Variants in ARMCX4 observed in about 807,000 individuals in gnomAD.
ARMCX4 encodes the protein armadillo repeat containing X-linked 4.
Under a neutral mutation model 34.7 loss-of-function variants are expected in ARMCX4, and 3 were observed. The ratio of observed to expected loss-of-function variants is 0.09; its 90% CI spans 0.04 to 0.22. The LOEUF (loss-of-function observed/expected upper bound fraction) is 0.22. Among genes scored for constraint, ARMCX4 ranks in the 10% least tolerant of loss-of-function variants. The probability of loss-of-function intolerance (pLI) is 1.00; values close to 1 mark genes in which losing one functional copy is unlikely to be tolerated. For synonymous variants in ARMCX4, 513 were observed against 632.8 expected (o/e 0.81, Z 2.84); for missense variants, 1,448 against 1,720.8 (o/e 0.84, Z 2.81).
At chrX:101,484,100 T>G (rs1487027390), upstream of ARMCX4, among the ~76,000 whole-genome samples, 3 of 111,786 alleles carry the variant, frequency 2.7e-5, no homozygotes, top group African/African-American at 9.8e-5. Flanking sequence ...TTCTTTTTCT[T>G]GGCAATTGCT....
chrX:101,437,871 A>G (rs1555995426), intron 2 of ARMCX4, among the ~76,000 whole-genome samples: 2 of 112,036 alleles, frequency 1.8e-5, no homozygotes, highest in African/African-American at 6.5e-5. Context: ...GTTTCAAAGA[A>G]CATCTTTATT....
At position 101,493,649 on chromosome X, in the gene ARMCX4, C is replaced by G. The variant is rs1386372307; in HGVS notation, c.5060C>G (p.Ser1687Cys). The G allele has an allele frequency of 4.3e-6, 5 of 1,150,518 alleles. No individual in the cohort carries two copies. The African/African-American group carries it at 7.3e-5, about 17-fold the overall frequency. 94.8% of individuals were successfully genotyped at this position (1,150,518 alleles called of 1,213,427 possible). A position where few individuals can be genotyped will look rare whatever the true frequency, so the allele number is the denominator to read the frequency against. ...SQASGESWAG[S>C]RPGNEAIGGS... Reference sequence around the variant, plus strand: ...GCCAGTGGAGAATCCTGGGCTGGATCTAGGCCTGGGAATGAGGCCATTGGA... The same window carrying G: ...GCCAGTGGAGAATCCTGGGCTGGATGTAGGCCTGGGAATGAGGCCATTGGA... The change falls in exon 6 of 6, where the codon TCT becomes TGT. Residue 1687 changes from serine to cysteine, a missense_variant. By Grantham distance (112) the Ser-to-Cys change is moderately radical. Around this residue, in one of 2 missense-constraint regions of ARMCX4, gnomAD observed 1,343 missense variants for 1,540.7 expected, o/e 0.87. Transcript: ENST00000423738.
At chrX:101,443,917 CTCA>C (rs1234986103) in intron 2 of ARMCX4, 3 of 379,876 alleles carry the variant, frequency 7.9e-6, no homozygotes, top group Non-Finnish European at 1.5e-5. Flanking sequence ...GGATGAAGTT[CTCA>C]TCATCAAATT....
intron 4 of ARMCX4, among the ~76,000 whole-genome samples, chrX:101,471,924 T>C (rs1336056798): frequency 2.8e-5 from 3 of 105,327 alleles, no homozygotes; most frequent in Non-Finnish European, 3.9e-5. Context: ...AGGAACGCAG[T>C]TCCTCACCAG....
Position 101,488,963 on chromosome X carries a change from T to C in ARMCX4, c.374T>C (p.Val125Ala), listed in dbSNP as rs1556007700. 2.6e-6 allele frequency: 3 copies of C among 1,155,627 alleles called. No individual in the cohort carries two copies. The East Asian group carries it at 9.8e-5, about 38-fold the overall frequency. The change falls in exon 6 of 6, where the codon GTC becomes GCC. Residue 125 changes from valine to alanine, a missense_variant. This residue lies in a region of ARMCX4 where 1,343 missense variants were observed against 1,540.7 expected (regional missense o/e 0.87). Transcript: ENST00000423738. Reference sequence around the variant, plus strand: ...TCCAAAGTGGTGGCTGGAACACTGGTCATGACAGAGGCAGTGACTCTGACT... The same window carrying C: ...TCCAAAGTGGTGGCTGGAACACTGGCCATGACAGAGGCAGTGACTCTGACT... ...SESKVVAGTL[V>A]MTEAVTLTEV...
chrX:101,494,274 T>C lies in ARMCX4; in HGVS notation c.5685T>C (p.Ile1895=). The change falls in exon 6 of 6, where the codon ATT becomes ATC. Residue 1895 remains isoleucine, a synonymous_variant. Coordinates refer to ENST00000423738, the MANE Select transcript of ARMCX4 (RefSeq NM_001256155.3). ...TAAGTAGAGAGTCCAGCCCTGATAT[T>C]GAGGAGATCAGTTTAAGGTCTTTGT... ...DELSRESSPD[I]EEISLRSLFW... The C allele has an allele frequency of 1.7e-6, 2 of 1,154,772 alleles. No homozygotes were observed. The highest frequency in any genetic ancestry group is 2.3e-6 in the Non-Finnish European group (2 of 872,373).
intron 11 of ARMCX4, among the ~76,000 whole-genome samples, chrX:101,529,038 C>A (rs1197328272): frequency 1.8e-5 from 2 of 111,249 alleles, no homozygotes; most frequent in African/African-American, 6.5e-5. Context: ...CAATCCTAAT[C>A]AAAAAGAACA....
Position 101,490,290 on chromosome X carries a change from T to G in ARMCX4, c.1701T>G (p.Asp567Glu), listed in dbSNP as rs1556008344. Residue 567 changes from aspartate to glutamate, a missense_variant, in exon 6 of 6, where the codon GAT becomes GAG. Physicochemically the swap from Asp to Glu is conservative, Grantham distance 45. This residue lies in a region of ARMCX4 where 1,343 missense variants were observed against 1,540.7 expected (regional missense o/e 0.87). Coordinates refer to ENST00000423738, the MANE Select transcript of ARMCX4 (RefSeq NM_001256155.3). ...AGGCCTTGCTTGATTCCAGGGTTGATGGTAGGGGCAATCCTAATGCCACTT... is the reference window on the plus strand; with the variant it reads ...AGGCCTTGCTTGATTCCAGGGTTGAGGGTAGGGGCAATCCTAATGCCACTT... Reference protein sequence around the residue: ...PAEALLDSRVDGRGNPNATSK... With the variant: ...PAEALLDSRVEGRGNPNATSK... 1 of 1,150,831 alleles carries G rather than the reference T, an allele frequency of 8.7e-7. No individual in the cohort carries two copies. Among genetic ancestry groups the G allele is most frequent in the Non-Finnish European group, 1.1e-6 (1 of 871,215 alleles). 94.8% of individuals were successfully genotyped at this position (1,150,831 alleles called of 1,213,427 possible). A position where few individuals can be genotyped will look rare whatever the true frequency, so the allele number is the denominator to read the frequency against.
chrX:101,436,435 G>T (rs1328005432), intron 2 of ARMCX4, among the ~76,000 whole-genome samples: 1 of 109,542 alleles, frequency 9.1e-6, no homozygotes, highest in Non-Finnish European at 1.9e-5. Flanking sequence ...TCATGATTTG[G>T]CTCTCTGTTT....
At chrX:101,457,233 G>A (rs1182828309) in intron 4 of ARMCX4, among the ~76,000 whole-genome samples, 2 of 111,866 alleles carry the variant, frequency 1.8e-5, no homozygotes, top group Non-Finnish European at 3.8e-5. Context: ...CTAGAGGCTT[G>A]TTCTGATTCA....
At position 101,495,214 on chromosome X, in the gene ARMCX4, C is replaced by A; in HGVS notation, c.6625C>A (p.Leu2209Met). Residue 2209 changes from leucine to methionine, a missense_variant, in exon 6 of 6, where the codon CTG (leucine) becomes ATG (methionine). This residue lies in a region of ARMCX4 where 105 missense variants were observed against 180.2 expected (regional missense o/e 0.58). Coordinates refer to ENST00000423738, the MANE Select transcript of ARMCX4 (RefSeq NM_001256155.3). ...GCTCATTGCCAATGCACCAACATCA[C>A]TGATTAACATTTTTAGCAAGAAAGA... ...DLLIANAPTS[L>M]INIFSKKETK... 1.7e-6 allele frequency: 2 copies of A among 1,149,711 alleles called. No homozygotes were observed. Among genetic ancestry groups the A allele is most frequent in the Non-Finnish European group, 2.3e-6 (2 of 867,298 alleles). The allele number at this position is 1,149,711 out of a possible 1,213,427, so 94.7% of individuals were successfully genotyped here.
chrX:101,467,366 G>A (rs1315876677), intron 4 of ARMCX4, among the ~76,000 whole-genome samples: 1 of 111,713 alleles, frequency 9.0e-6, no homozygotes, highest in African/African-American at 3.3e-5. Context: ...GGCCAGGATG[G>A]TCTCAAACTC....
chrX:101,488,698 A>T lies in ARMCX4; in HGVS notation c.109A>T (p.Thr37Ser), dbSNP rs1051643989. 34 of 1,154,119 alleles carry T rather than the reference A, an allele frequency of 2.9e-5. No homozygotes were observed. Among genetic ancestry groups the T allele is most frequent in the Non-Finnish European group, 3.8e-5 (33 of 872,627 alleles). Residue 37 changes from threonine to serine, a missense_variant, in exon 6 of 6, where the codon ACT (threonine) becomes TCT (serine). Physicochemically the swap from Thr to Ser is moderately conservative, Grantham distance 58. Coordinates refer to ENST00000423738, the MANE Select transcript of ARMCX4 (RefSeq NM_001256155.3). ...CAAGGGAAGAGCCCAGAGTGTGAGG[A>T]CTCTTGCCAGAAATGGATCCACAGT... is the stretch of plus-strand genomic sequence containing the variant. The part of the protein sequence containing the change: ...FTKGRAQSVR[T>S]LARNGSTVKM...
intron 8 of ARMCX4, among the ~76,000 whole-genome samples, chrX:101,506,032 G>A (rs1463288853): frequency 3.6e-5 from 4 of 111,128 alleles, no homozygotes; most frequent in African/African-American, 6.6e-5. Context: ...TCATAGAGAC[G>A]GGGTTTCACC....
intron 11 of ARMCX4, chrX:101,517,104 A>G (rs941394870): frequency 9.0e-6 from 1 of 111,614 alleles, no homozygotes; most frequent in African/African-American, 3.3e-5. Context: ...TTTTAACACA[A>G]GTTAGAAATT....
chrX:101,520,213 T>C (rs188452993), intron 11 of ARMCX4, among the ~76,000 whole-genome samples: 1 of 112,356 alleles, frequency 8.9e-6, no homozygotes, highest in African/African-American at 3.2e-5. Flanking sequence ...AAACTGTTCA[T>C]ATACAAGGTT....
At chrX:101,461,759 A>T (rs782651945) in intron 4 of ARMCX4, among the ~76,000 whole-genome samples, 30 of 111,876 alleles carry the variant, frequency 2.7e-4, no homozygotes, top group African/African-American at 7.8e-4. Context: ...AATAATAGCC[A>T]TCCTAATGGG....
upstream of ARMCX4, among the ~76,000 whole-genome samples, chrX:101,481,654 T>C (rs1333049526): frequency 9.0e-6 from 1 of 111,645 alleles, no homozygotes; most frequent in East Asian, 2.8e-4. Flanking sequence ...CCATTAACTA[T>C]ATAAAATCTC....
rs782183603 is a variant in ARMCX4 at position 101,491,282 on chromosome X, C to G, written c.2693C>G (p.Ala898Gly). ...VKGNSNVVSK[A>G]GAREDTMGSA... Reference sequence around the variant, plus strand: ...GGCAATTCCAATGTTGTGTCTAAGGCAGGGGCCAGAGAAGATACAATGGGC... The same window carrying G: ...GGCAATTCCAATGTTGTGTCTAAGGGAGGGGCCAGAGAAGATACAATGGGC... The change falls in exon 6 of 6, where the codon GCA becomes GGA. Residue 898 changes from alanine to glycine, a missense_variant. Physicochemically the swap from Ala to Gly is moderately conservative, Grantham distance 60. Transcript: ENST00000423738. 51 of 1,155,159 alleles carry G rather than the reference C, an allele frequency of 4.4e-5. No homozygotes were observed. The South Asian group carries it at 8.6e-4, about 19-fold the overall frequency.
Sources: gnomAD v4.1 joint callset for allele counts (sites outside exome capture counted in the v4.1 genomes callset) on GRCh38, gnomAD v4.1.1 for gene constraint, gnomAD v4.1.1 regional missense constraint, MANE v1.5 for transcripts, NCBI Gene and HGNC (gene_info 2026-07-23, HGNC 2026-07-21) for gene names.